The following ABCA3 variants were observed in gnomAD, a reference collection of about 807,000 sequenced individuals.
ABCA3 encodes phospholipid-transporting ATPase ABCA3.
Under a neutral mutation model 172.8 loss-of-function variants are expected in ABCA3, and 88 were observed. The observed-to-expected ratio is 0.51, with a 90% CI of 0.43 to 0.61. The LOEUF (loss-of-function observed/expected upper bound fraction) is 0.61. Among genes scored for constraint, ABCA3 ranks in the 20% least tolerant of loss-of-function variants. The pLI is 0.00. For synonymous variants in ABCA3, 1,066 were observed against 983.8 expected (o/e 1.08, Z -1.56); for missense variants, 2,164 against 2,301.0 (o/e 0.94, Z 1.22).
chr16:2,294,840 G>A (rs530856487), intron 18 of ABCA3, among the ~76,000 whole-genome samples: 32 of 152,040 alleles, frequency 2.1e-4, no homozygotes, highest in South Asian at 4.2e-4. Context: ...AAAATTAGCC[G>A]GGTGTGGTGG....
Position 2,340,727 on chromosome 16 carries a change from C to T in ABCA3, c.-693G>A, listed in dbSNP as rs1431880811. ...GGGAGGGTGCGCCTGCAACCCGCTA[C>T]TGGCGGACGCAGCGGCCGCTCCGGC... On this transcript the variant is annotated 5_prime_UTR_variant, in exon 1 of 33. Transcript: ENST00000301732. 3.3e-5 allele frequency: 5 copies of T among 150,734 alleles called. No individual in the cohort carries two copies. In the South Asian group the frequency reaches 8.3e-4, roughly 25 times the overall value. The allele number at this position is 150,734 out of a possible 1,614,324, so 9.3% of individuals were successfully genotyped here. A position where few individuals can be genotyped will look rare whatever the true frequency, so the allele number is the denominator to read the frequency against.
rs17135880 is a variant in ABCA3 at position 2,328,455 on chromosome 16, G to C, written c.-29C>G. 6.3e-3 allele frequency: 3,197 copies of C among 503,622 alleles called. 95 individuals carry two copies. Among genetic ancestry groups the C allele is most frequent in the African/African-American group, 0.055 (2,856 of 51,744 alleles). 31.2% of individuals were successfully genotyped at this position (503,622 alleles called of 1,614,324 possible). ...TCAAGAGTTCATGAGCTGCTAACCTGCTAGAGAAGTAGGTGGTCTGAGTAA... is the reference window on the plus strand; with the variant it reads ...TCAAGAGTTCATGAGCTGCTAACCTCCTAGAGAAGTAGGTGGTCTGAGTAA... On this transcript the variant is annotated splice_region_variant and 5_prime_UTR_variant, in exon 3 of 33. Coordinates refer to ENST00000301732, the MANE Select transcript of ABCA3 (RefSeq NM_001089.3).
At chr16:2,330,928 C>G (rs1184656625) in intron 1 of ABCA3, among the ~76,000 whole-genome samples, 1 of 151,926 alleles carries the variant, frequency 6.6e-6, no homozygotes, top group African/African-American at 2.4e-5. Context: ...GTCTCGATCT[C>G]CTGACCTGGA....
rs45520634 is a variant in ABCA3, at chr16:2,324,362, T to C, written c.447+42A>G. The stretch of plus-strand genomic sequence containing the variant: ...GTGACGCGGGAGGAAGCGGAGGCCT[T>C]GCTGATGGGCTGTGACTGCTCGGCC... On this transcript the variant is annotated intron_variant, in intron 6 of 32. Transcript: ENST00000301732. 28 of 1,556,422 alleles carry C rather than the reference T, an allele frequency of 1.8e-5. No homozygotes were observed. The African/African-American group carries it at 3.6e-4, about 20-fold the overall frequency.
intron 5 of ABCA3, 95 bp downstream of exon 5, chr16:2,325,915 C>A: frequency 6.4e-7 from 1 of 1,572,046 alleles, no homozygotes; most frequent in South Asian, 1.1e-5. Flanking sequence ...GAACTCCTCA[C>A]CCAGCTGCTT....
chr16:2,317,676 G>A lies in ABCA3; in HGVS notation c.962C>T (p.Ser321Phe). The change falls in exon 9 of 33, where the codon TCC becomes TTC. Residue 321 changes from serine to phenylalanine, a missense_variant. Physicochemically the swap from Ser to Phe is radical, Grantham distance 155 (BLOSUM62 -2). Transcript: ENST00000301732. ...LFFLFLLIAASFMTLLFCVKV... is the reference protein window; with the variant it reads ...LFFLFLLIAAFFMTLLFCVKV... The stretch of plus-strand genomic sequence containing the variant: ...GACACAGAAGAGCAGGGTCATGAAG[G>A]AGGCGGCGATGAGGAGGAAGAGGAA... 6.2e-7 allele frequency: 1 copy of A among 1,614,224 alleles called. No homozygotes were observed. Among genetic ancestry groups the A allele is most frequent in the South Asian group, 1.1e-5 (1 of 91,084 alleles).
In ABCA3 at chr16:2,303,998, C is replaced by T. The variant is rs375876421; in HGVS notation, c.1438G>A (p.Val480Met). The T allele has an allele frequency of 2.2e-5, 35 of 1,614,028 alleles. 1 individual carries two copies. The highest frequency in any genetic ancestry group is 1.5e-4 in the South Asian group (14 of 91,078). Residue 480 changes from valine (V) to methionine (M), a missense_variant, in exon 12 of 33, where the codon GTG becomes ATG. Transcript: ENST00000301732. ...ATGAAGAAGTACCAGGGCTGAGGCA[C>T]GCCGAACTGCCCTGGGAAGACGGCC... is the stretch of plus-strand genomic sequence containing the variant. ...MEAVFPGQFG[V>M]PQPWYFFIMP...
At chr16:2,299,846 G>C (rs773236497) in intron 13 of ABCA3, among the ~76,000 whole-genome samples, 159 bp downstream of exon 13, 6 of 152,154 alleles carry the variant, frequency 3.9e-5, no homozygotes, top group African/African-American at 1.4e-4. Flanking sequence ...CTGGGGAACC[G>C]GTTAGAGGGC....
Position 2,285,844 on chromosome 16 carries a change from A to G in ABCA3, c.3279-198T>C, listed in dbSNP as rs2093662295. 6.6e-6 allele frequency among the ~76,000 whole-genome samples: 1 copy of G among 152,038 alleles called. No homozygotes were observed. The highest frequency in any genetic ancestry group is 2.1e-4 in the South Asian group (1 of 4,816). ...GGAGAACGGTTCCTCTGGAATTCCT[A>G]TGCTGACCATGTGACAATGGCAGCG... On this transcript the variant is annotated intron_variant, in intron 22 of 32. Coordinates refer to ENST00000301732, the MANE Select transcript of ABCA3 (RefSeq NM_001089.3). This position sits in a 1 kb window ranked among gnomAD's most constrained non-coding sequence, Gnocchi z 4.7.
At chr16:2,304,918 G>A (rs1487297851) in intron 11 of ABCA3, among the ~76,000 whole-genome samples, 1 of 151,740 alleles carries the variant, frequency 6.6e-6, no homozygotes, top group Non-Finnish European at 1.5e-5. Context: ...CTTGTGATTC[G>A]CCTGCCTCGG....
intron 8 of ABCA3, 79 bp downstream of exon 8, chr16:2,319,502 A>T (rs2093722232): frequency 6.5e-7 from 1 of 1,530,284 alleles, no homozygotes; most frequent in East Asian, 2.3e-5. Context: ...AAAAAATACT[A>T]AAACACCAAG....
rs187563157 is a variant in ABCA3, at chr16:2,306,932, A to G, written c.1285+1518T>C. Among the ~76,000 whole-genome samples, 1,053 of 148,330 alleles carry G rather than the reference A, an allele frequency of 7.1e-3. 3 individuals carry two copies. The highest frequency in any genetic ancestry group is 0.011 in the Non-Finnish European group (769 of 67,216). On this transcript the variant is annotated intron_variant, in intron 11 of 32. Transcript: ENST00000301732. ...TGGGAGGCTGAGGCAGGAAAATGGC[A>G]TGAACCCGGGAGGCGGAGCTTGCAG...
intron 11 of ABCA3, among the ~76,000 whole-genome samples, chr16:2,306,787 G>A (rs542525393): frequency 2.6e-5 from 4 of 151,776 alleles, no homozygotes; most frequent in South Asian, 2.1e-4. Flanking sequence ...AGGCCGAGGC[G>A]GGCGGATCAC....
rs182905380 is a variant in ABCA3, at chr16:2,279,533, C to T, written c.4360-403G>A. The stretch of plus-strand genomic sequence containing the variant: ...TAAGAAGAAAGATTTGTGGGCACCA[C>T]GTTTGGGGTGAGTACTGCTTGGTCA... On this transcript the variant is annotated intron_variant, in intron 28 of 32. Transcript: ENST00000301732. The surrounding 1 kb of genome is among the most constrained non-coding windows in gnomAD (Gnocchi z 4.4). Among the ~76,000 whole-genome samples, 4 of 152,156 alleles carry T rather than the reference C, an allele frequency of 2.6e-5. No individual in the cohort carries two copies. Among genetic ancestry groups the T allele is most frequent in the Admixed American group, 6.5e-5 (1 of 15,276 alleles).
intron 10 of ABCA3, among the ~76,000 whole-genome samples, chr16:2,312,463 C>T (rs944764728): frequency 2.6e-5 from 4 of 151,290 alleles, no homozygotes; most frequent in Non-Finnish European, 5.9e-5. Flanking sequence ...ATTTGAGAGT[C>T]GAGATTTAAT....
At chr16:2,289,399 T>TCCCCCCCCCCCCCC in intron 20 of ABCA3, 35 bp downstream of exon 20, 1 of 1,544,358 alleles carries the variant, frequency 6.5e-7, no homozygotes. Context: ...TGCTCGCCCT[T>TCCCCCCCCCCCCCC]CCCCCGCCAC....
chr16:2,330,306 G>A (rs906391550), intron 1 of ABCA3, among the ~76,000 whole-genome samples: 12 of 132,262 alleles, frequency 9.1e-5, no homozygotes, highest in East Asian at 4.6e-4. Context: ...AAAAAAAAAA[G>A]AATATAAGCT....
At chr16:2,325,144 C>T (rs2093732319) in intron 5 of ABCA3, among the ~76,000 whole-genome samples, 1 of 152,154 alleles carries the variant, frequency 6.6e-6, no homozygotes, top group African/African-American at 2.4e-5. Flanking sequence ...TGGGAGTTCC[C>T]TTCTCAGGCT....
Position 2,300,065 on chromosome 16 carries a change from C to T in ABCA3, c.1551G>A (p.Glu517=). 1 of 1,613,700 alleles carries T rather than the reference C, an allele frequency of 6.2e-7. No homozygotes were observed. Among genetic ancestry groups the T allele is most frequent in the African/African-American group, 1.3e-5 (1 of 74,900 alleles). Residue 517 remains glutamate (E), a synonymous_variant, in exon 13 of 33, where the codon GAG becomes GAA. Transcript: ENST00000301732. ...DSDPEKALRN[E]YFEAEPEDLV... is the part of the protein sequence containing the mutation. ...GGTCCTCTGGCTCGGCTTCAAAGTA[C>T]TCGTTTCTGAGTGCTTTCTCGGGGT...
Sources: gnomAD v4.1 joint callset for allele counts (sites outside exome capture counted in the v4.1 genomes callset) on GRCh38, gnomAD v4.1.1 for gene constraint, Gnocchi (gnomAD v3.1) non-coding constraint, MANE v1.5 for transcripts, NCBI Gene and HGNC (gene_info 2026-07-23, HGNC 2026-07-21) for gene names.